Variants in RBM5 observed in about 807,000 individuals in gnomAD.
The protein encoded by RBM5 is RNA binding motif protein 5.
In RBM5, 15 loss-of-function variants were observed where a neutral mutation model predicts 124.6. The ratio of observed to expected loss-of-function variants is 0.12; its 90% CI spans 0.08 to 0.19. The LOEUF (loss-of-function observed/expected upper bound fraction) is 0.19, where lower values mean the gene tolerates loss of function less well. Ranked by LOEUF, RBM5 falls within the 10% of genes least tolerant of loss-of-function variation. RBM5 has a pLI of 1.00. For missense variants in RBM5, 580 were observed against 1,026.5 expected, an observed-to-expected ratio of 0.57 and a Z score of 5.94; for synonymous variants, 337 against 361.2, an observed-to-expected ratio of 0.93 and a Z score of 0.76.
chr3:50,113,323 T>C (rs2091182714), intron 17 of RBM5, 60 bp from the exon 18 acceptor site: 3 of 1,523,606 alleles, frequency 2.0e-6, no homozygotes, highest in African/African-American at 2.8e-5. Flanking sequence ...TGACAAAATA[T>C]GTAATCGACT....
At chr3:50,106,534 A>G (rs1208774803) in intron 10 of RBM5, among the ~76,000 whole-genome samples, 1 of 152,162 alleles carries the variant, frequency 6.6e-6, no homozygotes, top group Non-Finnish European at 1.5e-5. Flanking sequence ...CCCAAGTGCT[A>G]GATGTACTTT....
chr3:50,108,393 C>T, intron 14 of RBM5, 89 bp downstream of exon 14: 1 of 1,257,718 alleles, frequency 8.0e-7, no homozygotes. Context: ...CCAAAAGCTA[C>T]AAGTCCATTT....
chr3:50,103,638 T>C (rs1420665053), intron 7 of RBM5, among the ~76,000 whole-genome samples: 1 of 152,078 alleles, frequency 6.6e-6, no homozygotes, highest in Non-Finnish European at 1.5e-5. Context: ...AGAGTGAGAC[T>C]CTGTCTCAAA....
Position 50,100,211 on chromosome 3 carries a change from C to G in RBM5, c.409+160C>G. On this transcript the variant is annotated intron_variant, in intron 5 of 24. Transcript: ENST00000347869. The surrounding 1 kb of genome is among the most constrained non-coding windows in gnomAD (Gnocchi z 5.1). ...GACTCTTTGAAAACCATGTTAGCAT[C>G]TGAGGAACTTTTTTAAACTTTGTTT... 2.9e-6 allele frequency: 2 copies of G among 700,290 alleles called. No homozygotes were observed. Among genetic ancestry groups the G allele is most frequent in the Non-Finnish European group, 4.6e-6 (2 of 434,826 alleles). The allele number at this position is 700,290 out of a possible 1,614,324, so 43.4% of individuals were successfully genotyped here. A position where few individuals can be genotyped will look rare whatever the true frequency, so the allele number is the denominator to read the frequency against.
intron 14 of RBM5, among the ~76,000 whole-genome samples, chr3:50,108,642 G>A (rs2091084007): frequency 6.6e-6 from 1 of 152,104 alleles, no homozygotes. Context: ...GAGCGGCAGA[G>A]ATTGCAGTGA....
rs2091288643 is a variant in RBM5 at position 50,117,982 on chromosome 3, G to A, written c.2323-349G>A. On this transcript the variant is annotated intron_variant, in intron 24 of 24. Coordinates refer to ENST00000347869, the MANE Select transcript of RBM5 (RefSeq NM_005778.4). The surrounding 1 kb of genome is among the most constrained non-coding windows in gnomAD (Gnocchi z 4.2). ...TGTAGACCATGTTCATCCTGTTTAT[G>A]TGAGTTCTGCTGACATTGAGCTATC... The A allele has an allele frequency of 7.4e-6, 2 of 272,050 alleles. No individual in the cohort carries two copies. Among genetic ancestry groups the A allele is most frequent in the South Asian group, 1.0e-4 (2 of 19,572 alleles). The allele number at this position is 272,050 out of a possible 1,614,324, so 16.9% of individuals were successfully genotyped here. A position where few individuals can be genotyped will look rare whatever the true frequency, so the allele number is the denominator to read the frequency against.
intron 4 of RBM5, among the ~76,000 whole-genome samples, chr3:50,097,706 C>G (rs1056824117): frequency 2.0e-5 from 3 of 152,132 alleles, no homozygotes; most frequent in African/African-American, 7.2e-5. Context: ...ATACTTTATT[C>G]TAGCCCCAAT....
intron 7 of RBM5, 23 bp downstream of exon 7, chr3:50,103,189 T>C (rs2090972329): frequency 5.2e-6 from 8 of 1,542,944 alleles, no homozygotes; most frequent in Non-Finnish European, 7.2e-6. Context: ...TCTTCCCAAA[T>C]AGACAAAACT....
At chr3:50,092,870 G>A (rs1430354316) in intron 3 of RBM5, 1 of 246,886 alleles carries the variant, frequency 4.1e-6, no homozygotes, top group African/African-American at 2.3e-5. Flanking sequence ...GCACCATAGG[G>A]AGACCCTGTC....
chr3:50,099,221 A>G (rs1041822361), intron 4 of RBM5, among the ~76,000 whole-genome samples: 2 of 151,700 alleles, frequency 1.3e-5, no homozygotes, highest in Non-Finnish European at 2.9e-5. Flanking sequence ...ACACCAGTGC[A>G]CTTCAGCCTG....
At chr3:50,097,243 A>G (rs2090836230) in intron 4 of RBM5, among the ~76,000 whole-genome samples, 1 of 152,104 alleles carries the variant, frequency 6.6e-6, no homozygotes. Context: ...AAACTACAAA[A>G]AAATTAGCCA....
At chr3:50,109,142 C>T (rs559694891) in intron 14 of RBM5, among the ~76,000 whole-genome samples, 20 of 152,176 alleles carry the variant, frequency 1.3e-4, no homozygotes, top group African/African-American at 4.1e-4. Flanking sequence ...GGCGTTATCT[C>T]GGTTCACTGT....
In RBM5 at chr3:50,099,985, C is replaced by T; in HGVS notation, c.343C>T (p.Arg115Ter). The change falls in exon 5 of 25, where the codon CGA becomes TGA. Residue 115 changes from arginine to a stop codon, truncating the protein, a stop_gained. Transcript: ENST00000347869. LOFTEE classifies it high-confidence loss of function. ...AATAATGTAAAACCCTGTGCAGATT[C>T]GAGAAATGATGGAGTCCTTCGAAGG... ...LPITITESDIREMMESFEGPQ... is the reference protein window; with the variant it reads ...LPITITESDI The T allele has an allele frequency of 6.2e-7, 1 of 1,613,284 alleles. No individual in the cohort carries two copies. Among genetic ancestry groups the T allele is most frequent in the Non-Finnish European group, 8.5e-7 (1 of 1,179,676 alleles).
chr3:50,095,400 T>C (rs1027256400), intron 4 of RBM5, among the ~76,000 whole-genome samples: 1 of 152,174 alleles, frequency 6.6e-6, no homozygotes, highest in Non-Finnish European at 1.5e-5. Context: ...CTGGCCACCC[T>C]TTTATTTGTT....
Position 50,093,702 on chromosome 3 carries a change from T to C in RBM5, c.184-18T>C, listed in dbSNP as rs1378482992. The C allele has an allele frequency of 6.2e-7, 1 of 1,608,068 alleles. No homozygotes were observed. The highest frequency in any genetic ancestry group is 1.7e-5 in the Admixed American group (1 of 59,952). On this transcript the variant is annotated intron_variant, in intron 3 of 24. Coordinates refer to ENST00000347869, the MANE Select transcript of RBM5 (RefSeq NM_005778.4). ...GTACAGGGTGATGTTAATTGTGATT[T>C]TGTTTATTGTAACTCAGAGAGAGCG... is the stretch of plus-strand genomic sequence containing the variant.
intron 11 of RBM5, 52 bp downstream of exon 11, chr3:50,106,916 C>G (rs760790384): frequency 1.4e-6 from 2 of 1,404,300 alleles, no homozygotes; most frequent in Non-Finnish European, 2.0e-6. Flanking sequence ...CACATTTGTA[C>G]AGTGTGCTAA....
chr3:50,093,389 A>G (rs1406831819), intron 3 of RBM5, among the ~76,000 whole-genome samples: 2 of 151,532 alleles, frequency 1.3e-5, no homozygotes, highest in Admixed American at 6.6e-5. Context: ...CAGTGAGCAG[A>G]GATCATCGCA....
intron 7 of RBM5, 149 bp downstream of exon 7, chr3:50,103,315 C>T: frequency 1.5e-6 from 1 of 671,592 alleles, no homozygotes; most frequent in Admixed American, 2.7e-5. Flanking sequence ...TCCTCCTACA[C>T]TGGTATTAGA....
intron 2 of RBM5, 55 bp from the exon 3 acceptor site, chr3:50,091,988 T>C: frequency 6.4e-7 from 1 of 1,568,864 alleles, no homozygotes; most frequent in Non-Finnish European, 8.8e-7. Flanking sequence ...TAACTATGTC[T>C]TTTAAAGGTA....
Sources: gnomAD v4.1 joint callset for allele counts (sites outside exome capture counted in the v4.1 genomes callset) on GRCh38, gnomAD v4.1.1 for gene constraint, Gnocchi (gnomAD v3.1) non-coding constraint, MANE v1.5 for transcripts, NCBI Gene and HGNC (gene_info 2026-07-23, HGNC 2026-07-21) for gene names.